SULF1: variants seen among roughly 807,000 people sequenced by gnomAD.
SULF1 encodes sulfatase 1, also known as extracellular sulfatase Sulf-1.
Under a neutral mutation model 110.5 loss-of-function variants are expected in SULF1, and 46 were observed. The ratio of observed to expected loss-of-function variants is 0.42; its 90% CI spans 0.33 to 0.53. The LOEUF (loss-of-function observed/expected upper bound fraction) is 0.53. Among genes scored for constraint, SULF1 ranks in the 20% least tolerant of loss-of-function variants. The probability of loss-of-function intolerance (pLI) is 0.12; values close to 1 mark genes in which losing one functional copy is unlikely to be tolerated. For synonymous variants in SULF1, 371 were observed against 387.1 expected, an observed-to-expected ratio of 0.96 and a Z score of 0.49; for missense variants, 941 against 1,094.2, an observed-to-expected ratio of 0.86 and a Z score of 1.98.
At chr8:69,497,202 G>C (rs1326000812) in intron 2 of SULF1, among the ~76,000 whole-genome samples, 1 of 141,234 alleles carries the variant, frequency 7.1e-6, no homozygotes, top group Non-Finnish European at 1.5e-5. Context: ...CTGTCACCTA[G>C]GCTGGAGTGC....
intron 6 of SULF1, among the ~76,000 whole-genome samples, chr8:69,582,958 C>T (rs1234292985): frequency 6.6e-6 from 1 of 152,150 alleles, no homozygotes; most frequent in Non-Finnish European, 1.5e-5. Flanking sequence ...TCCAACTACA[C>T]GTAGTCAGCA....
At chr8:69,610,245 G>A (rs1292257108) in intron 13 of SULF1, among the ~76,000 whole-genome samples, 1 of 152,214 alleles carries the variant, frequency 6.6e-6, no homozygotes, top group Non-Finnish European at 1.5e-5. Context: ...ATAGAATGTA[G>A]TTTGTTGAGT....
chr8:69,497,888 A>G (rs1168045268), intron 2 of SULF1, among the ~76,000 whole-genome samples: 1 of 152,206 alleles, frequency 6.6e-6, no homozygotes, highest in Non-Finnish European at 1.5e-5. Flanking sequence ...CTGTTAAACT[A>G]TCAAGCTTAA....
At chr8:69,542,569 G>C (rs1009330479) in intron 3 of SULF1, among the ~76,000 whole-genome samples, 1 of 151,584 alleles carries the variant, frequency 6.6e-6, no homozygotes, top group African/African-American at 2.4e-5. Context: ...GCTGCCGAGA[G>C]TTACTGGAGG....
intron 19 of SULF1, 115 bp downstream of exon 19, chr8:69,629,794 A>T: frequency 1.0e-6 from 1 of 957,512 alleles, no homozygotes; most frequent in Non-Finnish European, 1.6e-6. Flanking sequence ...AGAGAAAGGC[A>T]TCATATTCTA....
At chr8:69,525,343 T>C (rs72658240) in intron 3 of SULF1, among the ~76,000 whole-genome samples, 13,250 of 152,164 alleles carry the variant, frequency 0.087, 616 homozygotes, top group Middle Eastern at 0.17. Context: ...TATTTTCTTT[T>C]GGAATAAAAT....
chr8:69,628,045 C>A, intron 17 of SULF1, 126 bp from the exon 18 acceptor site: 1 of 946,038 alleles, frequency 1.1e-6, no homozygotes, highest in Non-Finnish European at 1.7e-6. Flanking sequence ...TAAAAAGTCA[C>A]ATTCAGCTAA....
At chr8:69,610,086 A>G (rs564375889) in intron 13 of SULF1, among the ~76,000 whole-genome samples, 1 of 152,230 alleles carries the variant, frequency 6.6e-6, no homozygotes, top group African/African-American at 2.4e-5. Context: ...TGATAGGGCA[A>G]ATATCACATC....
At chr8:69,553,912 G>A (rs1320390006) in intron 3 of SULF1, among the ~76,000 whole-genome samples, 1 of 152,140 alleles carries the variant, frequency 6.6e-6, no homozygotes, top group Non-Finnish European at 1.5e-5. Context: ...GCCCAACCCT[G>A]TTGCACTGTA....
chr8:69,657,673 G>C (rs1046196361), intron 22 of SULF1, among the ~76,000 whole-genome samples: 3 of 152,182 alleles, frequency 2.0e-5, no homozygotes, highest in African/African-American at 7.2e-5. Context: ...CTAGACCGAG[G>C]TTGTGGGTTT....
intron 1 of SULF1, among the ~76,000 whole-genome samples, chr8:69,477,077 C>T (rs1471768426): frequency 4.6e-5 from 7 of 152,136 alleles, no homozygotes; most frequent in African/African-American, 4.8e-5. Context: ...CAAGATTCTA[C>T]TCCTACATGT....
intron 8 of SULF1, among the ~76,000 whole-genome samples, chr8:69,591,358 T>C (rs996020263): frequency 2.6e-5 from 4 of 151,570 alleles, no homozygotes; most frequent in African/African-American, 4.9e-5. Flanking sequence ...ATCAAGACCA[T>C]CTTGGCTAAC....
At chr8:69,528,024 A>G (rs1288178987) in intron 3 of SULF1, among the ~76,000 whole-genome samples, 2 of 152,136 alleles carry the variant, frequency 1.3e-5, no homozygotes, top group Non-Finnish European at 2.9e-5. Context: ...AATGTGCTAT[A>G]TGCAGCCCGT....
At chr8:69,469,825 T>C (rs1211624272) in intron 1 of SULF1, among the ~76,000 whole-genome samples, 1 of 152,170 alleles carries the variant, frequency 6.6e-6, no homozygotes, top group Non-Finnish European at 1.5e-5. Context: ...GTGGATCACC[T>C]GAGATCAGGA....
chr8:69,582,753 A>G (rs548184091), intron 6 of SULF1, among the ~76,000 whole-genome samples: 1 of 151,912 alleles, frequency 6.6e-6, no homozygotes, highest in South Asian at 2.1e-4. Context: ...GAGGCCAAGG[A>G]AAGCACGGGG....
intron 3 of SULF1, among the ~76,000 whole-genome samples, chr8:69,561,099 A>G (rs1815452859): frequency 2.0e-5 from 3 of 152,232 alleles, no homozygotes; most frequent in Admixed American, 2.0e-4. Context: ...GTATGTTTCA[A>G]AAATGCTAAC....
intron 3 of SULF1, among the ~76,000 whole-genome samples, chr8:69,503,244 G>C (rs1015774617): frequency 1.3e-5 from 2 of 152,168 alleles, no homozygotes; most frequent in African/African-American, 4.8e-5. Context: ...TTAGTTCTTT[G>C]ACATAAAGTT....
At chr8:69,524,759 T>G (rs1812546594) in intron 3 of SULF1, among the ~76,000 whole-genome samples, 1 of 152,214 alleles carries the variant, frequency 6.6e-6, no homozygotes, top group Non-Finnish European at 1.5e-5. Flanking sequence ...AATGAGATTC[T>G]TCCTCCATCA....
rs879448707 is a variant in SULF1 at position 69,500,914 on chromosome 8, TGTG to T, written c.-228-957_-228-955del. ...CAAGGAGGCACTGCTGCAGCAATCT[TGTG>T]GTAGGAGTGATCCATCCAGAGCAAA... On this transcript the variant is annotated intron_variant, in intron 2 of 22. Transcript: ENST00000402687. Among the ~76,000 whole-genome samples the T allele has an allele frequency of 6.6e-5, 10 of 152,136 alleles. No homozygotes were observed. In the East Asian group the frequency reaches 1.9e-3, roughly 29 times the overall value.
Sources: allele counts gnomAD v4.1 joint callset (sites outside exome capture counted in the v4.1 genomes callset), GRCh38; gene constraint gnomAD v4.1.1; transcripts MANE v1.5; gene names NCBI Gene and HGNC (gene_info 2026-07-23, HGNC 2026-07-21).